DCBLD1: variants seen among roughly 807,000 people sequenced by gnomAD.
DCBLD1 encodes the protein discoidin, CUB and LCCL domain containing 1.
DCBLD1 carries 57 observed loss-of-function variants against 71.5 expected under a neutral mutation model. That is an observed-to-expected ratio of 0.80 (90% CI 0.64 to 0.99). The LOEUF (loss-of-function observed/expected upper bound fraction) is 0.99. Ranked by LOEUF, DCBLD1 falls within the 50% of genes least tolerant of loss-of-function variation. The pLI is 0.00. For missense variants in DCBLD1, 891 were observed against 923.5 expected (o/e 0.96, Z 0.46); for synonymous variants, 380 against 363.8 (o/e 1.04, Z -0.51).
chr6:117,492,654 A>G (rs140476102), intron 1 of DCBLD1, among the ~76,000 whole-genome samples: 11 of 152,318 alleles, frequency 7.2e-5, no homozygotes, highest in East Asian at 1.9e-4. Context: ...TAGCATTGCA[A>G]TACATCCAGC....
intron 2 of DCBLD1, 101 bp from the exon 3 acceptor site, chr6:117,519,715 T>G: frequency 7.0e-7 from 1 of 1,419,272 alleles, no homozygotes; most frequent in Non-Finnish European, 9.7e-7. Context: ...TACATATGTA[T>G]TGTCTAGTAA....
intron 1 of DCBLD1, among the ~76,000 whole-genome samples, chr6:117,502,388 T>TG (rs1218090728): frequency 6.6e-6 from 1 of 152,232 alleles, no homozygotes; most frequent in Admixed American, 6.5e-5. Flanking sequence ...TTCTGGATAA[T>TG]GGGTAGATCC....
intron 2 of DCBLD1, among the ~76,000 whole-genome samples, chr6:117,505,603 G>T (rs149646228): frequency 1.2e-3 from 181 of 152,316 alleles, no homozygotes; most frequent in African/African-American, 4.2e-3. Flanking sequence ...AGGATGTGGA[G>T]AATGGATGTG....
At chr6:117,557,540 A>C (rs1406382343) in intron 14 of DCBLD1, among the ~76,000 whole-genome samples, 1 of 152,156 alleles carries the variant, frequency 6.6e-6, no homozygotes, top group African/African-American at 2.4e-5. Context: ...AGGCGGATGG[A>C]TCACCTGAGG....
chr6:117,558,946 G>C (rs781006791), intron 14 of DCBLD1, among the ~76,000 whole-genome samples: 7 of 152,184 alleles, frequency 4.6e-5, no homozygotes, highest in Non-Finnish European at 8.8e-5. Flanking sequence ...ATTGCTGGAC[G>C]CTAGCCAAGG....
intron 1 of DCBLD1, among the ~76,000 whole-genome samples, chr6:117,500,176 G>A (rs749594569): frequency 7.9e-5 from 12 of 152,232 alleles, no homozygotes; most frequent in Non-Finnish European, 1.3e-4. Context: ...AACTGTGGAA[G>A]CACAAGAGAG....
intron 11 of DCBLD1, among the ~76,000 whole-genome samples, 200 bp downstream of exon 11, chr6:117,541,225 A>G (rs192218061): frequency 1.4e-4 from 21 of 152,324 alleles, no homozygotes; most frequent in Non-Finnish European, 2.8e-4. Context: ...TTAGGAATGA[A>G]CTTATGTGCC....
At chr6:117,519,691 A>T (rs1166948992) in intron 2 of DCBLD1, 125 bp from the exon 3 acceptor site, 2 of 1,249,934 alleles carry the variant, frequency 1.6e-6, no homozygotes, top group Non-Finnish European at 2.2e-6. Context: ...TTCAGTTGGT[A>T]AAGATTATAA....
intron 14 of DCBLD1, among the ~76,000 whole-genome samples, chr6:117,555,927 A>C (rs912105129): frequency 6.6e-6 from 1 of 152,210 alleles, no homozygotes; most frequent in Non-Finnish European, 1.5e-5. Flanking sequence ...TAGAATTAAG[A>C]GAGGGATTTG....
chr6:117,564,425 T>C (rs1049413598), intron 14 of DCBLD1, among the ~76,000 whole-genome samples: 1 of 152,244 alleles, frequency 6.6e-6, no homozygotes, highest in African/African-American at 2.4e-5. Flanking sequence ...TACTAGTTAA[T>C]TGCTTAAAAT....
At chr6:117,537,575 A>G (rs1338051314) in intron 7 of DCBLD1, among the ~76,000 whole-genome samples, 1 of 146,354 alleles carries the variant, frequency 6.8e-6, no homozygotes, top group Non-Finnish European at 1.5e-5. Flanking sequence ...AGTCTTCAGT[A>G]GTAGTTTATT....
At chr6:117,497,838 T>C (rs949121981) in intron 1 of DCBLD1, among the ~76,000 whole-genome samples, 2 of 152,222 alleles carry the variant, frequency 1.3e-5, no homozygotes, top group African/African-American at 2.4e-5. Flanking sequence ...GTTTTAATTA[T>C]ATTATTTTTC....
chr6:117,533,097 C>T (rs1778777218), intron 6 of DCBLD1, among the ~76,000 whole-genome samples: 1 of 152,130 alleles, frequency 6.6e-6, no homozygotes, highest in South Asian at 2.1e-4. Flanking sequence ...AAGTGGGAGA[C>T]ACTCCTGGAG....
At chr6:117,503,107 C>A (rs1004539013) in intron 1 of DCBLD1, among the ~76,000 whole-genome samples, 1 of 152,142 alleles carries the variant, frequency 6.6e-6, no homozygotes, top group Non-Finnish European at 1.5e-5. Context: ...GCAAGTGCTG[C>A]TTTTGTGTTT....
chr6:117,483,555 T>G (rs1776979782), intron 1 of DCBLD1, among the ~76,000 whole-genome samples: 1 of 152,196 alleles, frequency 6.6e-6, no homozygotes, highest in Non-Finnish European at 1.5e-5. Flanking sequence ...ACCAGGCTGC[T>G]TTTTCTCTGG....
In DCBLD1 at chr6:117,497,001, T is replaced by C. The variant is rs571535480; in HGVS notation, c.113-6766T>C. ...TTTAAAAAAGCTTGAGGTTTCTGTC[T>C]TACTCTAAGGACTAGTTAATAATCA... On this transcript the variant is annotated intron_variant, in intron 1 of 14. Coordinates refer to ENST00000338728, the MANE Select transcript of DCBLD1 (RefSeq NM_001366458.2). Among the ~76,000 whole-genome samples the C allele has an allele frequency of 1.2e-4, 18 of 152,344 alleles. No homozygotes were observed. The South Asian group carries it at 3.5e-3, about 30-fold the overall frequency.
At chr6:117,486,637 C>T (rs1008688823) in intron 1 of DCBLD1, among the ~76,000 whole-genome samples, 2 of 152,204 alleles carry the variant, frequency 1.3e-5, no homozygotes, top group African/African-American at 4.8e-5. Context: ...TAGTCTTGCC[C>T]CAAATATCCA....
intron 5 of DCBLD1, among the ~76,000 whole-genome samples, chr6:117,527,730 A>T (rs1016941743): frequency 1.3e-5 from 2 of 151,278 alleles, no homozygotes; most frequent in African/African-American, 2.4e-5. Context: ...TTTGTCAGGG[A>T]TAGACTGTCT....
chr6:117,505,172 G>GT (rs1180721526), intron 2 of DCBLD1, among the ~76,000 whole-genome samples: 1 of 152,206 alleles, frequency 6.6e-6, no homozygotes, highest in Non-Finnish European at 1.5e-5. Context: ...CAAGATGGTA[G>GT]TTTCCATATA....
Sources: allele counts gnomAD v4.1 joint callset (sites outside exome capture counted in the v4.1 genomes callset), GRCh38; gene constraint gnomAD v4.1.1; transcripts MANE v1.5; gene names NCBI Gene and HGNC (gene_info 2026-07-23, HGNC 2026-07-21).